HYDIN: variants seen among roughly 807,000 people sequenced by gnomAD.
HYDIN encodes the protein HYDIN axonemal central pair apparatus protein.
Under a neutral mutation model 403.9 loss-of-function variants are expected in HYDIN, and 132 were observed. The ratio of observed to expected loss-of-function variants is 0.33; its 90% CI spans 0.28 to 0.38. The LOEUF is 0.38. HYDIN is among the 10% of genes least tolerant of loss of function. The pLI is 1.00. For synonymous variants in HYDIN, 1,202 were observed against 1,891.7 expected (o/e 0.64, Z 9.46); for missense variants, 2,827 against 5,009.5 (o/e 0.56, Z 13.15).
chr16:70,924,985 A>G (rs1430275647), intron 45 of HYDIN, among the ~76,000 whole-genome samples: 1 of 151,830 alleles, frequency 6.6e-6, no homozygotes, highest in African/African-American at 2.4e-5. Flanking sequence ...AAAGAAAAAG[A>G]AAAAGAAAAA....
At chr16:71,089,855 T>C (rs1221782632) in intron 11 of HYDIN, among the ~76,000 whole-genome samples, 1 of 146,302 alleles carries the variant, frequency 6.8e-6, no homozygotes, top group East Asian at 2.0e-4. Flanking sequence ...TTATAATAAA[T>C]GAGATAATGC....
intron 83 of HYDIN, among the ~76,000 whole-genome samples, chr16:70,821,970 G>A (rs569691628): frequency 2.0e-5 from 3 of 152,288 alleles, no homozygotes; most frequent in African/African-American, 7.2e-5. Flanking sequence ...ACACCCAGGA[G>A]CTCTGATGGA....
intron 5 of HYDIN, among the ~76,000 whole-genome samples, chr16:71,168,523 A>G (rs1597932796): frequency 6.6e-6 from 1 of 150,540 alleles, no homozygotes; most frequent in South Asian, 2.1e-4. Context: ...GCAGAAGTTT[A>G]TTTATCTTAT....
At chr16:70,942,011 CTTTTTTTTTTT>C (rs143927561) in intron 42 of HYDIN, among the ~76,000 whole-genome samples, 192 bp from the exon 43 acceptor site, 1 of 93,410 alleles carries the variant, frequency 1.1e-5, no homozygotes, top group Non-Finnish European at 2.0e-5. Context: ...ATCAGCCAGT[CTTTTTTTTTTT>C]TTTTTTTTTT....
chr16:71,135,931 T>A (rs2084902972), intron 8 of HYDIN, among the ~76,000 whole-genome samples: 1 of 151,136 alleles, frequency 6.6e-6, no homozygotes, highest in Non-Finnish European at 1.5e-5. Flanking sequence ...ACTGGGGGGG[T>A]TCTTCCTGGT....
chr16:70,974,685 A>G lies in HYDIN; in HGVS notation c.4773-15T>C. The G allele has an allele frequency of 9.4e-7, 1 of 1,065,234 alleles. No individual in the cohort carries two copies. The highest frequency in any genetic ancestry group is 1.4e-6 in the Non-Finnish European group (1 of 733,226). 66.0% of individuals were successfully genotyped at this position (1,065,234 alleles called of 1,614,324 possible). A position where few individuals can be genotyped will look rare whatever the true frequency, so the allele number is the denominator to read the frequency against. ...GTAGCTGGATTCTGAAATGGTTAAT[A>G]GACCTTACTAGTCACTTTCAAACCT... On this transcript the variant is annotated splice_polypyrimidine_tract_variant and intron_variant, in intron 31 of 85. Transcript: ENST00000393567.
rs762673598 is a variant in HYDIN at position 70,860,084 on chromosome 16, G to C, written c.12113C>G (p.Pro4038Arg). 5 of 1,611,128 alleles carry C rather than the reference G, an allele frequency of 3.1e-6. No individual in the cohort carries two copies. The highest frequency in any genetic ancestry group is 1.7e-4 in the Middle Eastern group (1 of 5,874). ...TCLTEKGFIHPEKKAEIVFQF... is the reference protein window; with the variant it reads ...TCLTEKGFIHREKKAEIVFQF... ...TGCACATACCTCGGCTTTCTTTTCA[G>C]GGTGGATGAAGCCCTTTTCTGTAAG... The change falls in exon 71 of 86, where the codon CCT becomes CGT. Residue 4038 changes from proline to arginine, a missense_variant. Coordinates refer to ENST00000393567, the MANE Select transcript of HYDIN (RefSeq NM_001270974.2).
rs1053466482 is a variant in HYDIN at position 71,213,408 on chromosome 16, G to A, written c.-24+17154C>T. ...CATTTAAGTCAGGAGGTGGGTACAC[G>A]GAGTTAAAGAGTTCTGAGATCTCTC... On this transcript the variant is annotated intron_variant, in intron 1 of 85. Coordinates refer to ENST00000393567, the MANE Select transcript of HYDIN (RefSeq NM_001270974.2). Among the ~76,000 whole-genome samples, 7 of 152,032 alleles carry A rather than the reference G, an allele frequency of 4.6e-5. No individual in the cohort carries two copies. The South Asian group carries it at 1.0e-3, about 23-fold the overall frequency.
chr16:70,933,952 A>T (rs557260305), intron 45 of HYDIN, among the ~76,000 whole-genome samples: 89 of 152,270 alleles, frequency 5.8e-4, no homozygotes, highest in Admixed American at 9.2e-4. Context: ...GCAGGAAGAC[A>T]CAAAGGCTGA....
chr16:70,922,711 C>T (rs1328611991), intron 45 of HYDIN, among the ~76,000 whole-genome samples: 1 of 149,504 alleles, frequency 6.7e-6, no homozygotes. Flanking sequence ...ACAATGAAAA[C>T]ACTGAATATC....
chr16:71,203,311 T>C (rs1407892860), intron 1 of HYDIN, among the ~76,000 whole-genome samples: 3 of 152,180 alleles, frequency 2.0e-5, no homozygotes, highest in Admixed American at 1.3e-4. Context: ...ATTTATTATT[T>C]TGATTAAGCT....
intron 18 of HYDIN, among the ~76,000 whole-genome samples, chr16:71,042,316 G>T (rs2081309385): frequency 6.6e-6 from 1 of 152,154 alleles, no homozygotes; most frequent in South Asian, 2.1e-4. Context: ...ACCACTGTCA[G>T]TTCTTTTAGC....
chr16:71,137,932 T>TACAC (rs371606318), intron 7 of HYDIN, among the ~76,000 whole-genome samples: 67 of 148,690 alleles, frequency 4.5e-4, no homozygotes, highest in African/African-American at 1.4e-3. Context: ...CACACACACA[T>TACAC]ACACACACAC....
intron 60 of HYDIN, among the ~76,000 whole-genome samples, chr16:70,880,657 G>A (rs1341710550): frequency 2.0e-5 from 3 of 152,288 alleles, no homozygotes; most frequent in South Asian, 2.1e-4. Context: ...GTAACTCCAA[G>A]AGCCTTGGCT....
intron 5 of HYDIN, among the ~76,000 whole-genome samples, chr16:71,171,250 C>T (rs1008142658): frequency 6.6e-6 from 1 of 152,176 alleles, no homozygotes; most frequent in Admixed American, 6.5e-5. Flanking sequence ...AATTAGTTAT[C>T]TTAAGTTAGC....
At chr16:70,900,780 C>A (rs11075810) in intron 53 of HYDIN, among the ~76,000 whole-genome samples, 1 of 149,328 alleles carries the variant, frequency 6.7e-6, no homozygotes, top group African/African-American at 2.5e-5. Context: ...ACATTGATTG[C>A]TCTGTTCCTG....
chr16:71,073,184 G>C (rs2082523281), intron 13 of HYDIN, among the ~76,000 whole-genome samples: 1 of 152,160 alleles, frequency 6.6e-6, no homozygotes, highest in Non-Finnish European at 1.5e-5. Flanking sequence ...ATGAGATTTT[G>C]TTAGATGCCT....
chr16:71,156,427 CG>C (rs2085769962), intron 6 of HYDIN, among the ~76,000 whole-genome samples: 1 of 151,968 alleles, frequency 6.6e-6, no homozygotes, highest in Admixed American at 6.6e-5. Flanking sequence ...ACAGGCTGAA[CG>C]GGCTAGAAAA....
Position 71,064,756 on chromosome 16 carries a change from G to C in HYDIN, c.2160C>G (p.Leu720=), listed in dbSNP as rs757923499. 1 of 1,613,974 alleles carries C rather than the reference G, an allele frequency of 6.2e-7. No individual in the cohort carries two copies. Among genetic ancestry groups the C allele is most frequent in the African/African-American group, 1.3e-5 (1 of 74,904 alleles). The change falls in exon 16 of 86, where the codon CTC becomes CTG. Residue 720 remains leucine (L), a synonymous_variant. Transcript: ENST00000393567. ...CFLKYPYEKT[L]QLANQDDLPG... is the part of the protein sequence containing the mutation. Reference sequence around the variant, plus strand: ...GGAGGTCATCTTGATTGGCAAGCTGGAGTGTTTTCTCATACGGGTACTTCA... The same window carrying C: ...GGAGGTCATCTTGATTGGCAAGCTGCAGTGTTTTCTCATACGGGTACTTCA...
Sources: gnomAD v4.1 joint callset for allele counts (sites outside exome capture counted in the v4.1 genomes callset) on GRCh38, gnomAD v4.1.1 for gene constraint, MANE v1.5 for transcripts, NCBI Gene and HGNC (gene_info 2026-07-23, HGNC 2026-07-21) for gene names.